LRRC4C: variants seen among roughly 807,000 people sequenced by gnomAD.
LRRC4C encodes leucine rich repeat containing 4C.
LRRC4C carries 5 observed loss-of-function variants against 33.6 expected under a neutral mutation model. That is an observed-to-expected ratio of 0.15 (90% CI 0.08 to 0.31). LRRC4C has a LOEUF of 0.31. LRRC4C is among the 10% of genes least tolerant of loss of function. The pLI is 1.00. For missense variants in LRRC4C, 560 were observed against 796.7 expected, an observed-to-expected ratio of 0.70 and a Z score of 3.58; for synonymous variants, 329 against 302.0, an observed-to-expected ratio of 1.09 and a Z score of -0.93.
At chr11:40,927,746 A>G (rs1313037363) in intron 2 of LRRC4C, among the ~76,000 whole-genome samples, 1 of 151,808 alleles carries the variant, frequency 6.6e-6, no homozygotes, top group African/African-American at 2.4e-5. Flanking sequence ...TATAATTTCT[A>G]TTATTACAAC....
At chr11:40,330,231 A>C (rs1946296948) in intron 3 of LRRC4C, among the ~76,000 whole-genome samples, 1 of 152,198 alleles carries the variant, frequency 6.6e-6, no homozygotes, top group Non-Finnish European at 1.5e-5. Context: ...AATGATACCC[A>C]GATAGCTGGT....
At chr11:40,179,244 T>G (rs1860777452) in intron 5 of LRRC4C, among the ~76,000 whole-genome samples, 1 of 152,076 alleles carries the variant, frequency 6.6e-6, no homozygotes, top group South Asian at 2.1e-4. Context: ...AGCTCAAGGA[T>G]CCTCCCATCT....
chr11:41,272,105 A>G (rs1351745794), intron 1 of LRRC4C, among the ~76,000 whole-genome samples: 1 of 152,192 alleles, frequency 6.6e-6, no homozygotes, highest in Non-Finnish European at 1.5e-5. Context: ...AGTTTGAAGG[A>G]GTCATCAAAA....
chr11:41,094,417 G>T (rs951439438), intron 1 of LRRC4C, among the ~76,000 whole-genome samples: 37 of 151,288 alleles, frequency 2.4e-4, no homozygotes, highest in African/African-American at 9.0e-4. Context: ...TCAGCTACTC[G>T]GGAGGCTGAG....
intron 2 of LRRC4C, among the ~76,000 whole-genome samples, chr11:40,876,387 T>A (rs1026761278): frequency 1.3e-5 from 2 of 150,720 alleles, no homozygotes; most frequent in Non-Finnish European, 2.9e-5. Flanking sequence ...TCCCTGATAA[T>A]GTTTGAAATA....
chr11:40,317,879 T>C (rs1044272333), intron 4 of LRRC4C, among the ~76,000 whole-genome samples: 3 of 152,132 alleles, frequency 2.0e-5, no homozygotes, highest in African/African-American at 7.2e-5. Flanking sequence ...GTCCATATTC[T>C]CTGCAGCAGC....
intron 1 of LRRC4C, among the ~76,000 whole-genome samples, chr11:41,353,754 G>T (rs778207918): frequency 6.6e-6 from 1 of 151,972 alleles, no homozygotes; most frequent in Non-Finnish European, 1.5e-5. Flanking sequence ...TACATAAACA[G>T]AACTAAAAAC....
chr11:40,934,994 T>C (rs1315333803), intron 1 of LRRC4C, among the ~76,000 whole-genome samples: 8 of 152,160 alleles, frequency 5.3e-5, no homozygotes, highest in African/African-American at 1.9e-4. Context: ...GTTGACCCTA[T>C]TCTTTCCCTC....
intron 1 of LRRC4C, among the ~76,000 whole-genome samples, chr11:41,192,332 G>A (rs1453041576): frequency 2.0e-5 from 3 of 151,628 alleles, no homozygotes; most frequent in Non-Finnish European, 4.4e-5. Context: ...ATGTGTGTGT[G>A]TGTGTGTGTG....
chr11:40,128,334 C>A (rs534419141), intron 6 of LRRC4C, among the ~76,000 whole-genome samples: 5 of 152,238 alleles, frequency 3.3e-5, no homozygotes, highest in African/African-American at 1.2e-4. Flanking sequence ...CTGTATTCAC[C>A]TGCAGCCCAG....
intron 2 of LRRC4C, among the ~76,000 whole-genome samples, chr11:40,781,898 C>T (rs567978908): frequency 6.6e-6 from 1 of 152,266 alleles, no homozygotes; most frequent in South Asian, 2.1e-4. Context: ...AAATGCCAGG[C>T]TTTCTGCTCT....
At chr11:40,505,559 T>G (rs1444470937) in intron 3 of LRRC4C, among the ~76,000 whole-genome samples, 1 of 152,170 alleles carries the variant, frequency 6.6e-6, no homozygotes, top group Non-Finnish European at 1.5e-5. Context: ...TTTTCTCAAT[T>G]CCATATCCAA....
chr11:40,931,909 C>T (rs147677661), intron 2 of LRRC4C, among the ~76,000 whole-genome samples: 6 of 152,048 alleles, frequency 3.9e-5, no homozygotes, highest in Non-Finnish European at 7.4e-5. Context: ...GTCAGAGGAT[C>T]GATCCTTCAG....
At chr11:40,482,095 A>G (rs1953600124) in intron 3 of LRRC4C, among the ~76,000 whole-genome samples, 1 of 152,238 alleles carries the variant, frequency 6.6e-6, no homozygotes, top group Non-Finnish European at 1.5e-5. Flanking sequence ...AGAGACATAA[A>G]TTTCACTTGT....
intron 3 of LRRC4C, among the ~76,000 whole-genome samples, chr11:40,448,306 G>T (rs1951730944): frequency 6.6e-6 from 1 of 152,042 alleles, no homozygotes; most frequent in African/African-American, 2.4e-5. Flanking sequence ...GAACGTGCAG[G>T]TTTGTTACAT....
intron 2 of LRRC4C, among the ~76,000 whole-genome samples, chr11:40,871,225 T>C (rs1234215093): frequency 6.6e-6 from 1 of 152,130 alleles, no homozygotes; most frequent in Non-Finnish European, 1.5e-5. Flanking sequence ...CCTGTGGTCC[T>C]GTGATCTCGC....
At chr11:40,655,609 T>C (rs553261512) in intron 2 of LRRC4C, among the ~76,000 whole-genome samples, 1 of 152,264 alleles carries the variant, frequency 6.6e-6, no homozygotes, top group East Asian at 1.9e-4. Context: ...AGAAACCCAC[T>C]GTCCTGGACA....
rs111909385 is a variant in LRRC4C, at chr11:40,835,836, G to A, written c.-407+97799C>T. Among the ~76,000 whole-genome samples the A allele has an allele frequency of 7.9e-5, 12 of 152,166 alleles. No homozygotes were observed. The South Asian group carries it at 1.0e-3, about 13-fold the overall frequency. ...AAAAATATTAATAGCATTCCTTTCC[G>A]TCAGCAAGAAGCAGTAAAAATACAA... On this transcript the variant is annotated intron_variant, in intron 2 of 6. Transcript: ENST00000528697.
intron 1 of LRRC4C, among the ~76,000 whole-genome samples, chr11:41,459,213 T>C (rs1255580913): frequency 1.3e-5 from 2 of 151,988 alleles, no homozygotes; most frequent in African/African-American, 2.4e-5. Flanking sequence ...ACAAGAGAGG[T>C]ACAAAAATGG....
Sources: gnomAD v4.1 joint callset for allele counts (sites outside exome capture counted in the v4.1 genomes callset) on GRCh38, gnomAD v4.1.1 for gene constraint, MANE v1.5 for transcripts, NCBI Gene and HGNC (gene_info 2026-07-23, HGNC 2026-07-21) for gene names.